ZKSCAN5: variants seen among roughly 807,000 people sequenced by gnomAD.
The protein encoded by ZKSCAN5 is zinc finger protein with KRAB and SCAN domains 5.
A neutral mutation model predicts 60.0 loss-of-function variants in ZKSCAN5; 28 were observed. The ratio of observed to expected loss-of-function variants is 0.47; its 90% CI spans 0.35 to 0.64. The LOEUF (loss-of-function observed/expected upper bound fraction) is 0.64, where lower values mean the gene tolerates loss of function less well. Among genes scored for constraint, ZKSCAN5 ranks in the 30% least tolerant of loss-of-function variants. The probability of loss-of-function intolerance (pLI) is 0.01; values close to 1 mark genes in which losing one functional copy is unlikely to be tolerated. For missense variants in ZKSCAN5, 881 were observed against 1,034.6 expected (o/e 0.85, Z 2.04); for synonymous variants, 361 against 371.2 (o/e 0.97, Z 0.31).
rs980524448 is a variant in ZKSCAN5 at position 99,533,812 on chromosome 7, A to G, written c.*1563A>G. ...CAAAGGCGTTTCCCAAATAAATCAC[A>G]CTGTCAATCACATGGTTCTGAATCC... is the stretch of plus-strand genomic sequence containing the variant. On this transcript the variant is annotated 3_prime_UTR_variant, in exon 7 of 7. Coordinates refer to ENST00000326775, the MANE Select transcript of ZKSCAN5 (RefSeq NM_145102.4). The G allele has an allele frequency of 2.3e-5, 9 of 393,862 alleles. No homozygotes were observed. The highest frequency in any genetic ancestry group is 1.4e-4 in the African/African-American group (7 of 48,504). 24.4% of individuals were successfully genotyped at this position (393,862 alleles called of 1,614,324 possible).
intron 5 of ZKSCAN5, among the ~76,000 whole-genome samples, chr7:99,524,205 G>A (rs1397512111): frequency 1.3e-5 from 2 of 151,830 alleles, no homozygotes; most frequent in Non-Finnish European, 2.9e-5. Flanking sequence ...TGAGTAGCTG[G>A]GATTACAGGT....
chr7:99,513,023 T>C (rs1801112257), intron 3 of ZKSCAN5, among the ~76,000 whole-genome samples: 1 of 126,952 alleles, frequency 7.9e-6, no homozygotes, highest in African/African-American at 3.0e-5. Context: ...TTCCCCTTCC[T>C]GTGTCCATGT....
chr7:99,523,428 C>G (rs541233077), intron 5 of ZKSCAN5, among the ~76,000 whole-genome samples: 2 of 152,100 alleles, frequency 1.3e-5, no homozygotes, highest in Non-Finnish European at 2.9e-5. Flanking sequence ...TCGAGACCAG[C>G]CTGGGCAACA....
chr7:99,512,490 C>G lies in ZKSCAN5; in HGVS notation c.452C>G (p.Ala151Gly), dbSNP rs753800119. 1 of 1,613,712 alleles carries G rather than the reference C, an allele frequency of 6.2e-7. No individual in the cohort carries two copies. Among genetic ancestry groups the G allele is most frequent in the African/African-American group, 1.3e-5 (1 of 74,894 alleles). Residue 151 changes from alanine (A) to glycine (G), a missense_variant, in exon 3 of 7, where the codon GCA (alanine) becomes GGA (glycine). By Grantham distance (60) the Ala-to-Gly change is moderately conservative. Coordinates refer to ENST00000326775, the MANE Select transcript of ZKSCAN5 (RefSeq NM_145102.4). ...CCTGATGTGCTTCCTCGGAAGATGG[C>G]AACACCTGGAGCAGTGCAGGAGTCC... Reference protein sequence around the residue: ...ACPDVLPRKMATPGAVQESCS... With the variant: ...ACPDVLPRKMGTPGAVQESCS...
intron 6 of ZKSCAN5, among the ~76,000 whole-genome samples, chr7:99,530,014 G>A (rs1055507270): frequency 6.8e-5 from 10 of 147,256 alleles, no homozygotes; most frequent in Non-Finnish European, 1.0e-4. Context: ...GATTACAGGC[G>A]TGAGCCACCT....
chr7:99,525,615 A>G (rs1363331673), intron 5 of ZKSCAN5, among the ~76,000 whole-genome samples, 198 bp from the exon 6 acceptor site: 1 of 151,852 alleles, frequency 6.6e-6, no homozygotes, highest in Non-Finnish European at 1.5e-5. Context: ...TCCTCTGAAC[A>G]TTTTTTGCCA....
At chr7:99,521,718 T>C (rs1271204955) in intron 5 of ZKSCAN5, among the ~76,000 whole-genome samples, 1 of 152,016 alleles carries the variant, frequency 6.6e-6, no homozygotes, top group Non-Finnish European at 1.5e-5. Context: ...AGTCTTTTTT[T>C]ATTTTGATGT....
Position 99,511,085 on chromosome 7 carries a change from A to G in ZKSCAN5, c.415-1368A>G, listed in dbSNP as rs1801001190. Reference sequence around the variant, plus strand: ...TGGAACTCCTGCACCACATTTTGCCAGTAGCAGGAGGATTCGAAAAAAAAG... The same window carrying G: ...TGGAACTCCTGCACCACATTTTGCCGGTAGCAGGAGGATTCGAAAAAAAAG... On this transcript the variant is annotated intron_variant, in intron 2 of 6. Transcript: ENST00000326775. Among the ~76,000 whole-genome samples, 15 of 152,292 alleles carry G rather than the reference A, an allele frequency of 9.8e-5. No homozygotes were observed. In the South Asian group the frequency reaches 2.9e-3, roughly 29 times the overall value.
chr7:99,512,258 A>G (rs1467658128), intron 2 of ZKSCAN5, among the ~76,000 whole-genome samples, 195 bp from the exon 3 acceptor site: 1 of 152,072 alleles, frequency 6.6e-6, no homozygotes, highest in Non-Finnish European at 1.5e-5. Context: ...TTGTGTTTTG[A>G]TGTGTTTGAT....
At chr7:99,534,696 AAAAAC>A (rs1802179025) in exon 7 of ZKSCAN5, 2 of 151,074 alleles carry the variant, frequency 1.3e-5, no homozygotes, top group East Asian at 1.9e-4. Flanking sequence ...AAAAAAAAAA[AAAAAC>A]ATTTTTTGGA....
chr7:99,519,801 T>A (rs1801438968), intron 3 of ZKSCAN5, 26 bp from the exon 4 acceptor site: 3 of 1,602,488 alleles, frequency 1.9e-6, no homozygotes, highest in Non-Finnish European at 2.6e-6. Flanking sequence ...ATGTTCTCAC[T>A]TAAACCTCTT....
chr7:99,524,151 A>T (rs1161884825), intron 5 of ZKSCAN5, among the ~76,000 whole-genome samples: 1 of 151,198 alleles, frequency 6.6e-6, no homozygotes, highest in Admixed American at 6.6e-5. Context: ...ACTCACTGCA[A>T]CCTCTGCCTC....
intron 3 of ZKSCAN5, among the ~76,000 whole-genome samples, chr7:99,516,877 C>T (rs1007248880): frequency 2.0e-5 from 3 of 152,148 alleles, no homozygotes; most frequent in Non-Finnish European, 2.9e-5. Context: ...GGTCACCTTT[C>T]GTCATGGCAC....
intron 6 of ZKSCAN5, among the ~76,000 whole-genome samples, chr7:99,529,376 G>T (rs969054886): frequency 6.6e-6 from 1 of 151,966 alleles, no homozygotes. Context: ...CCTGACCTCA[G>T]GTGATCCACC....
chr7:99,521,104 G>GC (rs1801519752), intron 5 of ZKSCAN5, among the ~76,000 whole-genome samples: 1 of 152,126 alleles, frequency 6.6e-6, no homozygotes, highest in Admixed American at 6.6e-5. Flanking sequence ...ATAGCTTTTA[G>GC]CCTTTTTTTA....
intron 3 of ZKSCAN5, among the ~76,000 whole-genome samples, chr7:99,519,378 A>T (rs979158112): frequency 1.3e-5 from 2 of 151,394 alleles, no homozygotes; most frequent in African/African-American, 4.9e-5. Flanking sequence ...CCTAGGTTCA[A>T]GCGATTATCA....
rs770095325 is a variant in ZKSCAN5, at chr7:99,531,638, G to A, written c.1909G>A (p.Glu637Lys). The A allele has an allele frequency of 5.3e-5, 85 of 1,614,038 alleles. No homozygotes were observed. The Admixed American group carries it at 8.0e-4, about 15-fold the overall frequency. ...HSGERPFKCNECGKGFGRRSH... is the reference protein window; with the variant it reads ...HSGERPFKCNKCGKGFGRRSH... ...TGGGGAGAGACCCTTCAAGTGTAACGAATGTGGGAAAGGCTTTGGGAGGCG... is the reference window on the plus strand; with the variant it reads ...TGGGGAGAGACCCTTCAAGTGTAACAAATGTGGGAAAGGCTTTGGGAGGCG... The change falls in exon 7 of 7, where the codon GAA (glutamate) becomes AAA (lysine). Residue 637 changes from glutamate to lysine, a missense_variant. Glu to Lys is a moderately conservative substitution (Grantham distance 56). Around this residue, in one of 5 missense-constraint regions of ZKSCAN5, gnomAD observed 112 missense variants for 182.4 expected, o/e 0.61. Transcript: ENST00000326775.
intron 3 of ZKSCAN5, among the ~76,000 whole-genome samples, chr7:99,515,945 C>G (rs1249707974): frequency 6.6e-6 from 1 of 151,976 alleles, no homozygotes; most frequent in Non-Finnish European, 1.5e-5. Flanking sequence ...ACCCAAGCAG[C>G]CTGACTGAAT....
chr7:99,511,996 G>A (rs1801055129), intron 2 of ZKSCAN5, among the ~76,000 whole-genome samples: 1 of 152,112 alleles, frequency 6.6e-6, no homozygotes, highest in African/African-American at 2.4e-5. Context: ...GTTTCACCGT[G>A]TTAGCCAGAT....
Sources: gnomAD v4.1 joint callset for allele counts (sites outside exome capture counted in the v4.1 genomes callset) on GRCh38, gnomAD v4.1.1 for gene constraint, gnomAD v4.1.1 regional missense constraint, MANE v1.5 for transcripts, NCBI Gene and HGNC (gene_info 2026-07-23, HGNC 2026-07-21) for gene names.